The following DDX47 variants were observed in gnomAD, a reference collection of about 807,000 sequenced individuals.
DDX47 encodes DEAD-box helicase 47.
A neutral mutation model predicts 58.8 loss-of-function variants in DDX47; 60 were observed. The observed-to-expected ratio is 1.02, with a 90% confidence interval of 0.83 to 1.26. The LOEUF (loss-of-function observed/expected upper bound fraction) is 1.26. DDX47 is among the 50% of genes most tolerant of loss of function. DDX47 has a pLI of 0.00. For missense variants in DDX47, 530 were observed against 573.2 expected, an observed-to-expected ratio of 0.92 and a Z score of 0.77; for synonymous variants, 197 against 204.6, an observed-to-expected ratio of 0.96 and a Z score of 0.32.
chr12:12,824,888 A>T (rs1863027348), intron 9 of DDX47: 8 of 468,878 alleles, frequency 1.7e-5, no homozygotes, highest in Non-Finnish European at 3.0e-5. Context: ...AAGGAGAGTT[A>T]TTAGATGCTC....
At chr12:12,820,951 C>T (rs1361538459) in intron 2 of DDX47, among the ~76,000 whole-genome samples, 1 of 152,148 alleles carries the variant, frequency 6.6e-6, no homozygotes. Context: ...TCCTTGTGTT[C>T]TCGCTGTATT....
intron 3 of DDX47, 83 bp downstream of exon 3, chr12:12,821,479 T>A (rs1352322513): frequency 1.3e-6 from 2 of 1,532,946 alleles, no homozygotes; most frequent in African/African-American, 2.7e-5. Context: ...GAGGAAAGTA[T>A]TGCTAGCATA....
At chr12:12,820,115 G>C (rs1862947269) in intron 2 of DDX47, among the ~76,000 whole-genome samples, 1 of 152,224 alleles carries the variant, frequency 6.6e-6, no homozygotes, top group South Asian at 2.1e-4. Context: ...CTGTGGTAGT[G>C]CATAGCTACC....
intron 1 of DDX47, 74 bp from the exon 2 acceptor site, chr12:12,814,057 C>T (rs1180920775): frequency 9.9e-6 from 9 of 910,156 alleles, no homozygotes; most frequent in Non-Finnish European, 7.4e-6. Flanking sequence ...CATGATGGGT[C>T]TGACAGTCAG....
chr12:12,822,687 T>C lies in DDX47; in HGVS notation c.588T>C (p.Pro196=), dbSNP rs1565447391. The part of the protein sequence containing the change: ...TEVDKILKVI[P]RDRKTFLFSA... The stretch of plus-strand genomic sequence containing the variant: ...TTGACAAGATCCTCAAAGTGATTCC[T>C]CGAGATCGGAAAACATTCCTCTTCT... The change falls in exon 6 of 12, where the codon CCT becomes CCC. Residue 196 remains proline, a synonymous_variant. Coordinates refer to ENST00000358007, the MANE Select transcript of DDX47 (RefSeq NM_016355.4). 8 of 1,614,104 alleles carry C rather than the reference T, an allele frequency of 5.0e-6. No individual in the cohort carries two copies. The highest frequency in any genetic ancestry group is 5.9e-6 in the Non-Finnish European group (7 of 1,179,980).
chr12:12,819,782 G>T (rs564138010), intron 2 of DDX47, among the ~76,000 whole-genome samples: 1 of 151,996 alleles, frequency 6.6e-6, no homozygotes, highest in Non-Finnish European at 1.5e-5. Flanking sequence ...TGAGTGTCCC[G>T]TACTAAAAAT....
At chr12:12,819,519 G>C (rs971567386) in intron 2 of DDX47, among the ~76,000 whole-genome samples, 1 of 152,090 alleles carries the variant, frequency 6.6e-6, no homozygotes, top group Non-Finnish European at 1.5e-5. Flanking sequence ...TCCCATGTCT[G>C]TTCTAACCCC....
intron 2 of DDX47, among the ~76,000 whole-genome samples, chr12:12,815,674 A>G (rs1330861900): frequency 1.3e-5 from 2 of 152,186 alleles, no homozygotes; most frequent in African/African-American, 2.4e-5. Flanking sequence ...AGGGAACAGC[A>G]TGAAAAAAAG....
At chr12:12,814,076 G>A (rs1862858154) in intron 1 of DDX47, 55 bp from the exon 2 acceptor site, 3 of 1,076,034 alleles carry the variant, frequency 2.8e-6, no homozygotes, top group Non-Finnish European at 4.4e-6. Context: ...AGTTAAGTAG[G>A]AGGGAGGTAG....
Position 12,814,130 on chromosome 12 carries a change from G to A in DDX47, c.88-1G>A, listed in dbSNP as rs765106937. 6.2e-7 allele frequency: 1 copy of A among 1,610,564 alleles called. No homozygotes were observed. The highest frequency in any genetic ancestry group is 1.1e-5 in the South Asian group (1 of 90,988). ...TAAGGTATATTTTTCTGAATTCCAA[G>A]GGTGTGACAGATGTGTTGTGTGAAG... On this transcript the variant is annotated splice_acceptor_variant, in intron 1 of 11. Coordinates refer to ENST00000358007, the MANE Select transcript of DDX47 (RefSeq NM_016355.4). LOFTEE classifies it high-confidence loss of function.
chr12:12,820,878 C>T, intron 2 of DDX47: 1 of 306,814 alleles, frequency 3.3e-6, no homozygotes, highest in Non-Finnish European at 6.1e-6. Context: ...TGCTTACTTC[C>T]AGTTTTAACT....
At chr12:12,823,847 A>T (rs752176634) in intron 7 of DDX47, 23 bp from the exon 8 acceptor site, 1 of 1,610,192 alleles carries the variant, frequency 6.2e-7, no homozygotes, top group East Asian at 2.2e-5. Context: ...AATGACATAT[A>T]TTGTTTTGGG....
chr12:12,825,202 C>CCA (rs1659161798), intron 9 of DDX47: 1 of 152,942 alleles, frequency 6.5e-6, no homozygotes. Flanking sequence ...CTCCTGACCT[C>CCA]GTGATCTGCC....
chr12:12,829,477 A>T lies in DDX47; in HGVS notation c.1291A>T (p.Asn431Tyr), dbSNP rs1202065038. ...KKRSREDAGD[N>Y]DDTEGAIGVR... is the part of the protein sequence containing the mutation. ...ACGCTCGCGAGAGGATGCTGGAGAT[A>T]ATGATGACACAGAGGGTGCTATTGG... The change falls in exon 12 of 12, where the codon AAT becomes TAT. Residue 431 changes from asparagine (N) to tyrosine (Y), a missense_variant. Physicochemically the swap from Asn to Tyr is moderately radical, Grantham distance 143. Transcript: ENST00000358007. 4 of 1,613,876 alleles carry T rather than the reference A, an allele frequency of 2.5e-6. No individual in the cohort carries two copies. Among genetic ancestry groups the T allele is most frequent in the Non-Finnish European group, 3.4e-6 (4 of 1,179,942 alleles).
intron 1 of DDX47, 75 bp from the exon 2 acceptor site, chr12:12,814,056 T>G (rs1263501511): frequency 5.6e-6 from 5 of 893,590 alleles, no homozygotes; most frequent in Non-Finnish European, 3.8e-6. Context: ...ACATGATGGG[T>G]CTGACAGTCA....
At chr12:12,820,953 C>T (rs191477217) in intron 2 of DDX47, among the ~76,000 whole-genome samples, 46 of 152,258 alleles carry the variant, frequency 3.0e-4, no homozygotes, top group Admixed American at 8.5e-4. Flanking sequence ...CTTGTGTTCT[C>T]GCTGTATTTT....
intron 2 of DDX47, among the ~76,000 whole-genome samples, chr12:12,818,423 A>T (rs569989750): frequency 1.8e-3 from 273 of 152,144 alleles, no homozygotes; most frequent in Middle Eastern, 0.014. Flanking sequence ...CGGGAGGCTG[A>T]GGCAGGGGAA....
At chr12:12,822,126 T>C (rs745435833) in intron 5 of DDX47, 43 bp downstream of exon 5, 1 of 1,440,098 alleles carries the variant, frequency 6.9e-7, no homozygotes, top group Non-Finnish European at 9.7e-7. Flanking sequence ...CATCTCAAGG[T>C]TCCTGTTTCA....
Position 12,829,452 on chromosome 12 carries a change from A to G in DDX47, c.1266A>G (p.Lys422=). 1.2e-6 allele frequency: 2 copies of G among 1,613,202 alleles called. No individual in the cohort carries two copies. Among genetic ancestry groups the G allele is most frequent in the South Asian group, 1.1e-5 (1 of 90,862 alleles). Residue 422 remains lysine (K), a synonymous_variant, in exon 12 of 12, where the codon AAA becomes AAG. Transcript: ENST00000358007. ...MELREHGEKK[K]RSREDAGDND... ...TAAGGGAGCATGGAGAAAAGAAGAAACGCTCGCGAGAGGATGCTGGAGATA... is the reference window on the plus strand; with the variant it reads ...TAAGGGAGCATGGAGAAAAGAAGAAGCGCTCGCGAGAGGATGCTGGAGATA...
Sources: gnomAD v4.1 joint callset for allele counts (sites outside exome capture counted in the v4.1 genomes callset) on GRCh38, gnomAD v4.1.1 for gene constraint, MANE v1.5 for transcripts, NCBI Gene and HGNC (gene_info 2026-07-23, HGNC 2026-07-21) for gene names.